PRKN: variants seen among roughly 807,000 people sequenced by gnomAD.
PRKN encodes the protein E3 ubiquitin-protein ligase parkin.
Under a neutral mutation model 59.5 loss-of-function variants are expected in PRKN, and 56 were observed. The observed-to-expected ratio is 0.94, with a 90% CI of 0.76 to 1.18. The LOEUF is 1.18. Among genes scored for constraint, PRKN ranks in the 50% most tolerant of loss-of-function variants. The probability of loss-of-function intolerance (pLI) is 0.00; values close to 1 mark genes in which losing one functional copy is unlikely to be tolerated. For missense variants in PRKN, 657 were observed against 596.4 expected, an observed-to-expected ratio of 1.10 and a Z score of -1.06; for synonymous variants, 250 against 222.1, an observed-to-expected ratio of 1.13 and a Z score of -1.12.
chr6:161,437,740 T>C (rs1562449165), intron 9 of PRKN, among the ~76,000 whole-genome samples: 1 of 152,182 alleles, frequency 6.6e-6, no homozygotes, highest in African/African-American at 2.4e-5. Context: ...ATAATGCCTT[T>C]CTCAAAGTAG....
intron 7 of PRKN, among the ~76,000 whole-genome samples, chr6:161,589,262 G>C (rs1234313527): frequency 1.3e-5 from 2 of 152,182 alleles, no homozygotes; most frequent in African/African-American, 4.8e-5. Flanking sequence ...GTCCACTGCA[G>C]GTCTGCACAC....
intron 5 of PRKN, among the ~76,000 whole-genome samples, chr6:162,012,031 G>T (rs564626252): frequency 2.6e-5 from 4 of 152,102 alleles, no homozygotes; most frequent in Non-Finnish European, 5.9e-5. Context: ...ATAATGACAC[G>T]CAAAATGCTT....
At chr6:161,485,661 A>C (rs1307841680) in intron 9 of PRKN, among the ~76,000 whole-genome samples, 1 of 152,160 alleles carries the variant, frequency 6.6e-6, no homozygotes, top group East Asian at 1.9e-4. Context: ...ATTAGTTAGA[A>C]ATCAAAATTT....
chr6:161,996,699 T>C (rs989158714), intron 5 of PRKN, among the ~76,000 whole-genome samples: 3 of 152,132 alleles, frequency 2.0e-5, no homozygotes, highest in African/African-American at 7.2e-5. Context: ...TATATTTACA[T>C]AGATAACAAC....
intron 5 of PRKN, among the ~76,000 whole-genome samples, chr6:162,039,668 T>C (rs1232798262): frequency 6.6e-6 from 1 of 152,238 alleles, no homozygotes; most frequent in Non-Finnish European, 1.5e-5. Context: ...GATAAGCCTC[T>C]TTTCCTTATA....
chr6:161,832,038 T>A (rs899565739), intron 6 of PRKN, among the ~76,000 whole-genome samples: 1 of 152,212 alleles, frequency 6.6e-6, no homozygotes, highest in Non-Finnish European at 1.5e-5. Flanking sequence ...TTCTCCCATG[T>A]AGGATTGGAT....
At chr6:162,595,525 G>A (rs13208136) in intron 1 of PRKN, among the ~76,000 whole-genome samples, 15,317 of 152,066 alleles carry the variant, frequency 0.1, 917 homozygotes, top group Middle Eastern at 0.19. Context: ...CAAAGTGCTG[G>A]GATTACAGGC....
chr6:162,519,958 T>C (rs1220940557), intron 1 of PRKN, among the ~76,000 whole-genome samples: 2 of 152,186 alleles, frequency 1.3e-5, no homozygotes, highest in African/African-American at 2.4e-5. Flanking sequence ...TGTTAAAAAA[T>C]ACGGCTGATG....
intron 10 of PRKN, among the ~76,000 whole-genome samples, chr6:161,366,982 C>CTTTTTTTTT (rs57164972): frequency 2.2e-5 from 2 of 91,946 alleles, no homozygotes; most frequent in Non-Finnish European, 2.2e-5. Context: ...TTTTTGTTTC[C>CTTTTTTTTT]TTTTTTTTTT....
chr6:162,501,178 G>T (rs146245941), intron 1 of PRKN, among the ~76,000 whole-genome samples: 1 of 152,000 alleles, frequency 6.6e-6, no homozygotes, highest in South Asian at 2.1e-4. Flanking sequence ...GTAATAAAAG[G>T]TGTTTTAATA....
At chr6:162,590,179 G>A (rs928454774) in intron 1 of PRKN, among the ~76,000 whole-genome samples, 3 of 151,986 alleles carry the variant, frequency 2.0e-5, no homozygotes, top group Non-Finnish European at 4.4e-5. Flanking sequence ...TAATAGCAAA[G>A]TAATAAATGC....
chr6:162,254,519 G>A lies in PRKN; in HGVS notation c.412+8006C>T, dbSNP rs6926948. ...AGCAGGACTCAGTTCCCAGTGTGTT[G>A]TTTGAGGCACTGACCCTGATCTGAA... is the stretch of plus-strand genomic sequence containing the variant. On this transcript the variant is annotated intron_variant, in intron 3 of 11. Coordinates refer to ENST00000366898, the MANE Select transcript of PRKN (RefSeq NM_004562.3). 1.2e-3 allele frequency among the ~76,000 whole-genome samples: 187 copies of A among 151,836 alleles called. 1 individual carries two copies. Among genetic ancestry groups the A allele is most frequent in the African/African-American group, 4.1e-3 (171 of 41,402 alleles).
At chr6:161,936,165 C>G (rs151256599) in intron 6 of PRKN, among the ~76,000 whole-genome samples, 4 of 151,608 alleles carry the variant, frequency 2.6e-5, no homozygotes, top group African/African-American at 9.7e-5. Flanking sequence ...TGGAAGTGGT[C>G]GTCAGGCAAA....
At chr6:161,620,244 C>T (rs188962529) in intron 7 of PRKN, among the ~76,000 whole-genome samples, 3,383 of 151,284 alleles carry the variant, frequency 0.022, 139 homozygotes, top group African/African-American at 0.078. Flanking sequence ...TCAGGTGATC[C>T]GCCCGCCTCG....
intron 1 of PRKN, among the ~76,000 whole-genome samples, chr6:162,594,840 T>C (rs1781440147): frequency 6.6e-6 from 1 of 152,234 alleles, no homozygotes; most frequent in Non-Finnish European, 1.5e-5. Flanking sequence ...AGTTAAGCTC[T>C]TCCTTTCTTA....
intron 6 of PRKN, among the ~76,000 whole-genome samples, chr6:161,966,225 G>T (rs568764289): frequency 4.6e-5 from 7 of 152,020 alleles, no homozygotes; most frequent in Admixed American, 6.5e-5. Flanking sequence ...ACGAATTGTA[G>T]GGCATGACTC....
intron 3 of PRKN, among the ~76,000 whole-genome samples, chr6:162,217,071 ATATGCTCAAC>A (rs1055829310): frequency 5.9e-5 from 9 of 152,198 alleles, no homozygotes; most frequent in Non-Finnish European, 1.2e-4. Context: ...GTATAAATGT[ATATGCTCAAC>A]TAATGCAGCT....
At chr6:162,033,095 C>T (rs1020707455) in intron 5 of PRKN, among the ~76,000 whole-genome samples, 3 of 152,222 alleles carry the variant, frequency 2.0e-5, no homozygotes, top group Non-Finnish European at 4.4e-5. Context: ...CCTCTCTCAG[C>T]TGTCTCACAT....
intron 2 of PRKN, among the ~76,000 whole-genome samples, chr6:162,436,482 T>C (rs1279465344): frequency 1.3e-5 from 2 of 151,658 alleles, no homozygotes; most frequent in African/African-American, 4.8e-5. Flanking sequence ...CAGGTGATTT[T>C]TGTATTTTTA....
Sources: gnomAD v4.1 joint callset for allele counts (sites outside exome capture counted in the v4.1 genomes callset) on GRCh38, gnomAD v4.1.1 for gene constraint, MANE v1.5 for transcripts, NCBI Gene and HGNC (gene_info 2026-07-23, HGNC 2026-07-21) for gene names.